Variants in ZNF654 observed in about 807,000 individuals in gnomAD.
ZNF654 encodes the protein melanoma-associated antigen.
Under a neutral mutation model 95.3 loss-of-function variants are expected in ZNF654, and 19 were observed. The observed-to-expected ratio is 0.20, with a 90% CI of 0.14 to 0.29. ZNF654 has a LOEUF of 0.29. ZNF654 is among the 10% of genes least tolerant of loss of function. ZNF654 has a pLI of 1.00. For synonymous variants in ZNF654, 413 were observed against 457.9 expected (o/e 0.90, Z 1.25); for missense variants, 1,046 against 1,341.0 (o/e 0.78, Z 3.44).
intron 2 of ZNF654, among the ~76,000 whole-genome samples, chr3:88,097,150 G>A (rs1167294672): frequency 6.6e-6 from 1 of 152,090 alleles, no homozygotes; most frequent in Non-Finnish European, 1.5e-5. Context: ...ACCGGAATAT[G>A]TACAAGGGTA....
At chr3:88,095,034 A>G (rs1218371531) in intron 2 of ZNF654, among the ~76,000 whole-genome samples, 1 of 152,182 alleles carries the variant, frequency 6.6e-6, no homozygotes, top group African/African-American at 2.4e-5. Context: ...AGCAATGAAC[A>G]GAATTATAGA....
intron 2 of ZNF654, among the ~76,000 whole-genome samples, chr3:88,091,216 T>C (rs1559703439): frequency 6.6e-6 from 1 of 152,212 alleles, no homozygotes; most frequent in Non-Finnish European, 1.5e-5. Flanking sequence ...GACTGTACTA[T>C]GTTAGCTGCC....
At chr3:88,079,566 G>A (rs1235064546) in intron 1 of ZNF654, among the ~76,000 whole-genome samples, 2 of 151,980 alleles carry the variant, frequency 1.3e-5, no homozygotes, top group Non-Finnish European at 2.9e-5. Flanking sequence ...TGTCATTTGA[G>A]ATTGTGAATT....
chr3:88,067,977 A>G (rs1319603100), intron 1 of ZNF654, among the ~76,000 whole-genome samples: 2 of 152,140 alleles, frequency 1.3e-5, no homozygotes, highest in Non-Finnish European at 2.9e-5. Flanking sequence ...AATCTACAAA[A>G]GAAGGGATTA....
At chr3:88,099,049 C>T (rs1204647954) in intron 2 of ZNF654, among the ~76,000 whole-genome samples, 1 of 152,272 alleles carries the variant, frequency 6.6e-6, no homozygotes, top group East Asian at 1.9e-4. Flanking sequence ...CAAATTGTCC[C>T]TGTTTGCAGA....
chr3:88,137,187 T>A (rs1431347150), intron 7 of ZNF654, among the ~76,000 whole-genome samples: 1 of 95,274 alleles, frequency 1.0e-5, no homozygotes, highest in East Asian at 3.2e-4. Context: ...AGTGCGAGAC[T>A]CTGTCTCAAA....
chr3:88,063,173 T>C (rs1262621638), intron 1 of ZNF654, among the ~76,000 whole-genome samples: 1 of 152,152 alleles, frequency 6.6e-6, no homozygotes, highest in African/African-American at 2.4e-5. Context: ...CTAGAGATGC[T>C]ACTGAACATC....
At chr3:88,119,466 CA>C (rs1705636076) in intron 3 of ZNF654, among the ~76,000 whole-genome samples, 1 of 147,522 alleles carries the variant, frequency 6.8e-6, no homozygotes, top group Non-Finnish European at 1.5e-5. Context: ...TGGGTGTGCG[CA>C]CCAGCATGGC....
At position 88,116,543 on chromosome 3, in the gene ZNF654, T is replaced by TA. The variant is rs948389721; in HGVS notation, c.414+3348dup. The stretch of plus-strand genomic sequence containing the variant: ...CTGTCTCAAAAGAAAAAAAAATACA[T>TA]ACATACATACATATATATACACACA... On this transcript the variant is annotated intron_variant, in intron 3 of 8. Coordinates refer to ENST00000636215, the MANE Select transcript of ZNF654 (RefSeq NM_001350134.2). 1.3e-4 allele frequency among the ~76,000 whole-genome samples: 10 copies of TA among 79,890 alleles called. No individual in the cohort carries two copies. In the Middle Eastern group the frequency reaches 0.026, roughly 208 times the overall value. The allele number at this position is 79,890 out of a possible 152,430, so 52.4% of individuals were successfully genotyped here. A position where few individuals can be genotyped will look rare whatever the true frequency, so the allele number is the denominator to read the frequency against.
chr3:88,086,235 G>A, intron 1 of ZNF654, 22 bp from the exon 2 acceptor site: 2 of 1,527,912 alleles, frequency 1.3e-6, no homozygotes, highest in South Asian at 2.4e-5. Context: ...CTATAGTAAT[G>A]TCTGGATTGC....
chr3:88,108,163 GA>G (rs1704859630), intron 2 of ZNF654, among the ~76,000 whole-genome samples: 1 of 151,306 alleles, frequency 6.6e-6, no homozygotes, highest in Non-Finnish European at 1.5e-5. Context: ...GTAGGTATAT[GA>G]ATTCAGGTCA....
intron 2 of ZNF654, among the ~76,000 whole-genome samples, chr3:88,103,104 C>T (rs1225967763): frequency 6.6e-6 from 1 of 151,988 alleles, no homozygotes; most frequent in African/African-American, 2.4e-5. Context: ...TGCGTTAATT[C>T]ACTTAGGATA....
chr3:88,095,241 C>CTA (rs2107692344), intron 2 of ZNF654, among the ~76,000 whole-genome samples: 1 of 152,074 alleles, frequency 6.6e-6, no homozygotes, highest in African/African-American at 2.4e-5. Context: ...ATGAATAGGA[C>CTA]TATCAGTTAT....
intron 2 of ZNF654, among the ~76,000 whole-genome samples, chr3:88,102,434 T>C (rs1330754207): frequency 6.6e-6 from 1 of 152,126 alleles, no homozygotes; most frequent in Non-Finnish European, 1.5e-5. Context: ...TAATGTCAAA[T>C]TTGCTGTTAA....
intron 3 of ZNF654, among the ~76,000 whole-genome samples, chr3:88,124,256 G>T (rs1451377826): frequency 1.3e-5 from 2 of 152,182 alleles, no homozygotes; most frequent in Non-Finnish European, 2.9e-5. Context: ...AGGTGTTTTA[G>T]TATCCATTTT....
At chr3:88,095,071 A>G (rs1703980074) in intron 2 of ZNF654, among the ~76,000 whole-genome samples, 3 of 152,230 alleles carry the variant, frequency 2.0e-5, no homozygotes, top group African/African-American at 7.2e-5. Flanking sequence ...CAAATCATAT[A>G]TTTTTAGTAA....
intron 2 of ZNF654, among the ~76,000 whole-genome samples, chr3:88,103,063 T>G (rs1400270618): frequency 6.6e-6 from 1 of 152,056 alleles, no homozygotes; most frequent in African/African-American, 2.4e-5. Context: ...CCCTTATAAG[T>G]GAGCACATGT....
At chr3:88,086,502 A>C (rs950611120) in intron 2 of ZNF654, 100 bp downstream of exon 2, 2 of 1,032,770 alleles carry the variant, frequency 1.9e-6, no homozygotes, top group African/African-American at 3.2e-5. Context: ...TTCCTAAAGT[A>C]TTCCCTCAAA....
At chr3:88,085,920 TCTA>T (rs1293554564) in intron 1 of ZNF654, among the ~76,000 whole-genome samples, 1 of 152,218 alleles carries the variant, frequency 6.6e-6, no homozygotes, top group Non-Finnish European at 1.5e-5. Context: ...ATTACTATAT[TCTA>T]CTCTCCAGCT....
Sources: allele counts gnomAD v4.1 joint callset (sites outside exome capture counted in the v4.1 genomes callset), GRCh38; gene constraint gnomAD v4.1.1; transcripts MANE v1.5; gene names NCBI Gene and HGNC (gene_info 2026-07-23, HGNC 2026-07-21).